Variants in YAF2 observed in about 807,000 individuals in gnomAD.
The protein encoded by YAF2 is YY1-associated factor 2.
YAF2 carries 7 observed loss-of-function variants against 20.1 expected under a neutral mutation model. The ratio of observed to expected loss-of-function variants is 0.35; its 90% CI spans 0.20 to 0.65. YAF2 has a LOEUF of 0.65. YAF2 is among the 30% of genes least tolerant of loss of function. YAF2 has a pLI of 0.69. For missense variants in YAF2, 151 were observed against 219.2 expected, an observed-to-expected ratio of 0.69 and a Z score of 1.96; for synonymous variants, 74 against 76.0, an observed-to-expected ratio of 0.97 and a Z score of 0.14.
intron 2 of YAF2, chr12:42,232,736 A>G (rs1257674796): frequency 2.0e-6 from 2 of 985,324 alleles, no homozygotes; most frequent in African/African-American, 3.5e-5. Flanking sequence ...GAAAACAACG[A>G]TGCTGAAAAG....
chr12:42,227,866 C>A (rs1249848584), intron 2 of YAF2, among the ~76,000 whole-genome samples: 1 of 133,114 alleles, frequency 7.5e-6, no homozygotes, highest in African/African-American at 2.9e-5. Context: ...CCCCCCGCCC[C>A]GCCAGCCGCC....
intron 2 of YAF2, among the ~76,000 whole-genome samples, chr12:42,219,938 A>G: frequency 6.6e-6 from 1 of 152,166 alleles, no homozygotes; most frequent in East Asian, 1.9e-4. Context: ...CATGATCTAT[A>G]TTATAATTGA....
intron 2 of YAF2, among the ~76,000 whole-genome samples, chr12:42,187,942 C>T (rs1249918034): frequency 6.6e-6 from 1 of 152,162 alleles, no homozygotes; most frequent in Non-Finnish European, 1.5e-5. Flanking sequence ...CATGGGGACA[C>T]TCAAGCAGCC....
chr12:42,224,662 A>G (rs1214456155), intron 2 of YAF2, among the ~76,000 whole-genome samples: 1 of 152,120 alleles, frequency 6.6e-6, no homozygotes, highest in African/African-American at 2.4e-5. Flanking sequence ...TGTGCTGTAA[A>G]TGATGGTTTC....
chr12:42,179,995 C>G (rs1318670188), intron 2 of YAF2, among the ~76,000 whole-genome samples: 1 of 152,030 alleles, frequency 6.6e-6, no homozygotes, highest in Non-Finnish European at 1.5e-5. Flanking sequence ...ATTTCTGCAA[C>G]CTATAATTCT....
intron 2 of YAF2, among the ~76,000 whole-genome samples, chr12:42,195,818 C>T (rs186316759): frequency 2.5e-4 from 38 of 152,164 alleles, no homozygotes; most frequent in African/African-American, 7.9e-4. Context: ...GCAGATCCTA[C>T]GGGAGCACAG....
At chr12:42,171,813 A>T (rs2066057191) in intron 2 of YAF2, among the ~76,000 whole-genome samples, 1 of 150,124 alleles carries the variant, frequency 6.7e-6, no homozygotes, top group Non-Finnish European at 1.5e-5. Flanking sequence ...AAAAAAAAAA[A>T]ATTGGCCAGG....
chr12:42,176,910 T>G (rs1345829147), intron 2 of YAF2, among the ~76,000 whole-genome samples: 2 of 152,144 alleles, frequency 1.3e-5, no homozygotes, highest in Admixed American at 1.3e-4. Context: ...GAGGTTGCAG[T>G]GAACCGAGAT....
rs990133840 is a variant in YAF2, at chr12:42,158,347, C to A, written c.*2242G>T. On this transcript the variant is annotated 3_prime_UTR_variant, in exon 4 of 4. Transcript: ENST00000534854. ...TAGTGAAATCTATAAAACACTATTA[C>A]TTTAGGTCATCCAAGAGGGCAGGAA... 6.6e-6 allele frequency: 1 copy of A among 152,084 alleles called. No homozygotes were observed. The highest frequency in any genetic ancestry group is 6.6e-5 in the Admixed American group (1 of 15,256). The allele number at this position is 152,084 out of a possible 1,614,324, so 9.4% of individuals were successfully genotyped here.
At chr12:42,174,866 A>G (rs2066140457) in intron 2 of YAF2, among the ~76,000 whole-genome samples, 1 of 152,236 alleles carries the variant, frequency 6.6e-6, no homozygotes, top group African/African-American at 2.4e-5. Flanking sequence ...AAACTAGATT[A>G]TGACATTGAA....
At chr12:42,235,560 G>T (rs894122710) in intron 2 of YAF2, 2 of 1,383,262 alleles carry the variant, frequency 1.4e-6, no homozygotes, top group African/African-American at 1.5e-5. Flanking sequence ...AAAGAGAAGA[G>T]AATTCAGAGA....
chr12:42,236,511 A>G (rs1370277365), intron 2 of YAF2, among the ~76,000 whole-genome samples: 1 of 152,236 alleles, frequency 6.6e-6, no homozygotes, highest in South Asian at 2.1e-4. Flanking sequence ...AATTTTTCAG[A>G]TAAGTTACTG....
intron 2 of YAF2, among the ~76,000 whole-genome samples, chr12:42,221,283 G>A (rs746676383): frequency 6.6e-6 from 1 of 152,066 alleles, no homozygotes; most frequent in Non-Finnish European, 1.5e-5. Context: ...TTATAAAATG[G>A]GACTGGAGGC....
chr12:42,164,512 TGTTGGACAGGTAAGA>T (rs2065867719), intron 2 of YAF2, among the ~76,000 whole-genome samples: 1 of 152,032 alleles, frequency 6.6e-6, no homozygotes, highest in African/African-American at 2.4e-5. Flanking sequence ...AGCTTTGTCA[TGTTGGACAGGTAAGA>T]TGAAAGAAAG....
chr12:42,180,941 G>A (rs573725047), intron 2 of YAF2, among the ~76,000 whole-genome samples: 1 of 152,176 alleles, frequency 6.6e-6, no homozygotes, highest in East Asian at 1.9e-4. Flanking sequence ...CAGCAAGACT[G>A]TCTCAAAAAA....
At chr12:42,233,922 G>C in intron 2 of YAF2, 1 of 984,846 alleles carries the variant, frequency 1.0e-6, no homozygotes, top group Non-Finnish European at 1.2e-6. Context: ...TGTAATCCCA[G>C]CACTTTGGGA....
At chr12:42,213,466 C>G (rs963015512) in intron 2 of YAF2, among the ~76,000 whole-genome samples, 1 of 152,158 alleles carries the variant, frequency 6.6e-6, no homozygotes, top group Non-Finnish European at 1.5e-5. Flanking sequence ...TTCTTAATAG[C>G]CATCTCTAAA....
At chr12:42,185,424 C>T (rs930427979) in intron 2 of YAF2, among the ~76,000 whole-genome samples, 1 of 152,164 alleles carries the variant, frequency 6.6e-6, no homozygotes, top group Admixed American at 6.5e-5. Flanking sequence ...AGCAACAGGG[C>T]TTGAGAGGAC....
chr12:42,197,348 A>G (rs1036170014), intron 2 of YAF2, among the ~76,000 whole-genome samples: 1 of 152,242 alleles, frequency 6.6e-6, no homozygotes, highest in Admixed American at 6.5e-5. Context: ...TCACCTAGCT[A>G]GGGGCAATGA....
Sources: gnomAD v4.1 joint callset for allele counts (sites outside exome capture counted in the v4.1 genomes callset) on GRCh38, gnomAD v4.1.1 for gene constraint, MANE v1.5 for transcripts, NCBI Gene and HGNC (gene_info 2026-07-23, HGNC 2026-07-21) for gene names.